IPPK: variants seen among roughly 807,000 people sequenced by gnomAD.
IPPK encodes the protein IPK1 homolog.
Under a neutral mutation model 64.6 loss-of-function variants are expected in IPPK, and 22 were observed. The ratio of observed to expected loss-of-function variants is 0.34; its 90% CI spans 0.24 to 0.49. IPPK has a LOEUF of 0.49. Ranked by LOEUF, IPPK falls within the 20% of genes least tolerant of loss-of-function variation. The probability of loss-of-function intolerance (pLI) is 0.99; values close to 1 mark genes in which losing one functional copy is unlikely to be tolerated. For synonymous variants in IPPK, 262 were observed against 247.2 expected, an observed-to-expected ratio of 1.06 and a Z score of -0.56; for missense variants, 532 against 630.7, an observed-to-expected ratio of 0.84 and a Z score of 1.68.
rs775310011 is a variant in IPPK, at chr9:92,658,698, CA to C, written c.82-18del. ...GACGCAGCGCTGTTGGAAAATAAAA[CA>C]AATCTGATTAGTATTTGCTCAAAGC... On this transcript the variant is annotated intron_variant, in intron 1 of 12. Transcript: ENST00000287996. 2.5e-6 allele frequency: 4 copies of C among 1,613,048 alleles called. No homozygotes were observed. Among genetic ancestry groups the C allele is most frequent in the Non-Finnish European group, 3.4e-6 (4 of 1,179,234 alleles).
intron 1 of IPPK, among the ~76,000 whole-genome samples, chr9:92,667,680 A>G (rs2131468097): frequency 6.6e-6 from 1 of 152,310 alleles, no homozygotes; most frequent in South Asian, 2.1e-4. Context: ...GCACTCTGGG[A>G]GGCTGAGGCG....
chr9:92,652,072 G>C (rs1189639011), intron 4 of IPPK, among the ~76,000 whole-genome samples: 1 of 152,092 alleles, frequency 6.6e-6, no homozygotes, highest in East Asian at 1.9e-4. Flanking sequence ...ATTCTGTGCA[G>C]TGCTGTGGTT....
At chr9:92,636,039 G>A (rs1285047846) in intron 9 of IPPK, among the ~76,000 whole-genome samples, 1 of 152,122 alleles carries the variant, frequency 6.6e-6, no homozygotes, top group Non-Finnish European at 1.5e-5. Flanking sequence ...AACTCCACTT[G>A]CCACTCACAG....
intron 11 of IPPK, among the ~76,000 whole-genome samples, chr9:92,624,555 G>T (rs548071142): frequency 6.6e-6 from 1 of 152,124 alleles, no homozygotes; most frequent in African/African-American, 2.4e-5. Context: ...ACCTACCTGA[G>T]CTCAGGAGGT....
chr9:92,645,928 A>G (rs1852142136), intron 6 of IPPK, among the ~76,000 whole-genome samples: 1 of 152,034 alleles, frequency 6.6e-6, no homozygotes, highest in Admixed American at 6.6e-5. Context: ...AGAAATAAAG[A>G]GTATCAGTAA....
intron 12 of IPPK, chr9:92,619,061 G>A (rs1452802041): frequency 4.4e-6 from 1 of 229,504 alleles, no homozygotes; most frequent in East Asian, 1.0e-4. Context: ...GCGCCTCACA[G>A]GCTTTCAAAT....
chr9:92,635,301 G>A lies in IPPK; in HGVS notation c.924C>T (p.Asn308=). 6.2e-7 allele frequency: 1 copy of A among 1,606,868 alleles called. No individual in the cohort carries two copies. Among genetic ancestry groups the A allele is most frequent in the Non-Finnish European group, 8.5e-7 (1 of 1,177,764 alleles). ...TCGGTAACCCCGAGCGCTCTGGGGT[G>A]TTTTTTCCTACCGAGAACATCAGGG... The part of the protein sequence containing the change: ...FSRSLRCQGK[N]TPERSGLPKG... The change falls in exon 10 of 13, where the codon AAC becomes AAT. Residue 308 remains asparagine (N), a synonymous_variant. Coordinates refer to ENST00000287996, the MANE Select transcript of IPPK (RefSeq NM_022755.6). This position sits in a 1 kb window ranked among gnomAD's most constrained non-coding sequence, Gnocchi z 4.4.
chr9:92,651,686 A>C (rs1022878803), intron 4 of IPPK, among the ~76,000 whole-genome samples: 1 of 151,954 alleles, frequency 6.6e-6, no homozygotes, highest in African/African-American at 2.4e-5. Flanking sequence ...CTCCTCCCTC[A>C]TGTTGTTTTC....
chr9:92,631,226 C>T (rs148347246), intron 11 of IPPK, among the ~76,000 whole-genome samples: 5,017 of 145,772 alleles, frequency 0.034, 255 homozygotes, highest in African/African-American at 0.098. Context: ...GATGGACTCT[C>T]GCTCTGTCAC....
chr9:92,664,227 C>T (rs1483543754), intron 1 of IPPK, among the ~76,000 whole-genome samples: 1 of 152,230 alleles, frequency 6.6e-6, no homozygotes, highest in Non-Finnish European at 1.5e-5. Context: ...CGGTACTGGG[C>T]TCCAACAGGA....
chr9:92,614,151 C>T lies in IPPK; in HGVS notation c.*1681G>A, dbSNP rs1851358623. On this transcript the variant is annotated 3_prime_UTR_variant, in exon 13 of 13. Coordinates refer to ENST00000287996, the MANE Select transcript of IPPK (RefSeq NM_022755.6). Reference sequence around the variant, plus strand: ...TGTGCTAGGCAATAACTCTTGCAGCCCTGAAGGACCTAGGGAGCCCAGCCC... The same window carrying T: ...TGTGCTAGGCAATAACTCTTGCAGCTCTGAAGGACCTAGGGAGCCCAGCCC... 1 of 152,326 alleles carries T rather than the reference C, an allele frequency of 6.6e-6. No individual in the cohort carries two copies. The highest frequency in any genetic ancestry group is 1.5e-5 in the Non-Finnish European group (1 of 68,144). 9.4% of individuals were successfully genotyped at this position (152,326 alleles called of 1,614,324 possible). A position where few individuals can be genotyped will look rare whatever the true frequency, so the allele number is the denominator to read the frequency against.
intron 6 of IPPK, among the ~76,000 whole-genome samples, chr9:92,647,157 C>A (rs891848656): frequency 9.9e-5 from 15 of 152,200 alleles, no homozygotes; most frequent in African/African-American, 3.4e-4. Context: ...GACCTGTATG[C>A]CATCACATTA....
At chr9:92,669,783 C>A (rs1470993433) in intron 1 of IPPK, 125 bp downstream of exon 1, 5 of 655,594 alleles carry the variant, frequency 7.6e-6, no homozygotes, top group Non-Finnish European at 1.3e-5. Context: ...CGGAGACCGG[C>A]CGGGGAGGAG....
chr9:92,619,778 G>A, intron 11 of IPPK: 1 of 574,686 alleles, frequency 1.7e-6, no homozygotes. Context: ...CTGCTCAGAG[G>A]CCAGCACCGC....
chr9:92,618,528 C>CG (rs374257924), intron 12 of IPPK: 10 of 456,662 alleles, frequency 2.2e-5, no homozygotes, highest in African/African-American at 1.4e-4. Flanking sequence ...CATCCTTGGT[C>CG]GGGGGGCTGC....
intron 1 of IPPK, among the ~76,000 whole-genome samples, chr9:92,661,200 G>A (rs1198795002): frequency 2.0e-5 from 3 of 152,198 alleles, no homozygotes; most frequent in Non-Finnish European, 4.4e-5. Flanking sequence ...ACTGCACAAG[G>A]GCAGATCAGG....
chr9:92,619,656 T>C (rs1346026325), intron 11 of IPPK, 91 bp from the exon 12 acceptor site: 2 of 1,148,712 alleles, frequency 1.7e-6, no homozygotes, highest in African/African-American at 1.5e-5. Context: ...GTGTGGGAAC[T>C]GCTTCCTGCC....
At chr9:92,639,449 T>TA (rs1190895163) in intron 8 of IPPK, among the ~76,000 whole-genome samples, 4 of 152,112 alleles carry the variant, frequency 2.6e-5, no homozygotes, top group Non-Finnish European at 4.4e-5. Context: ...GCACAGTAGG[T>TA]AACATGCCTT....
At chr9:92,660,507 C>G (rs1444245914) in intron 1 of IPPK, among the ~76,000 whole-genome samples, 2 of 152,240 alleles carry the variant, frequency 1.3e-5, no homozygotes. Context: ...CTCGGTTTAT[C>G]ATGGAACTAA....
Sources: gnomAD v4.1 joint callset for allele counts (sites outside exome capture counted in the v4.1 genomes callset) on GRCh38, gnomAD v4.1.1 for gene constraint, Gnocchi (gnomAD v3.1) non-coding constraint, MANE v1.5 for transcripts, NCBI Gene and HGNC (gene_info 2026-07-23, HGNC 2026-07-21) for gene names.